Variants in HEXIM2 observed in about 807,000 individuals in gnomAD.
HEXIM2 encodes the protein HEXIM P-TEFb complex subunit 2.
For synonymous variants in HEXIM2, 159 were observed against 162.7 expected, an observed-to-expected ratio of 0.98 and a Z score of 0.17; for missense variants, 413 against 390.8, an observed-to-expected ratio of 1.06 and a Z score of -0.48.
Position 45,169,248 on chromosome 17 carries a change from G to T in HEXIM2, c.300G>T (p.Arg100Ser). Residue 100 changes from arginine (R) to serine (S), a missense_variant, in exon 4 of 4, where the codon AGG becomes AGT. Arg to Ser is a moderately radical substitution (Grantham distance 110). Transcript: ENST00000589230. ...KHRRRPSKRK[R>S]HWRPYLELSW... is the part of the protein sequence containing the mutation. ...GTCGGCGGCCATCGAAGCGCAAAAG[G>T]CACTGGCGACCCTACCTGGAGCTGA... 3 of 1,613,740 alleles carry T rather than the reference G, an allele frequency of 1.9e-6. No homozygotes were observed. The highest frequency in any genetic ancestry group is 2.5e-6 in the Non-Finnish European group (3 of 1,180,030).
upstream of HEXIM2, among the ~76,000 whole-genome samples, chr17:45,160,408 T>G (rs1257013542): frequency 6.6e-6 from 1 of 152,136 alleles, no homozygotes; most frequent in Admixed American, 6.6e-5. Flanking sequence ...TTGTTTAGTC[T>G]GTGGGAAAAG....
upstream of HEXIM2, chr17:45,160,846 A>T: frequency 2.5e-6 from 3 of 1,199,236 alleles, no homozygotes; most frequent in East Asian, 1.1e-4. Context: ...GCCCCTCTCT[A>T]GCTGCTCCCA....
rs1205630475 is a variant in HEXIM2, at chr17:45,169,638, G to A, written c.690G>A (p.Glu230=). 5 of 1,533,958 alleles carry A rather than the reference G, an allele frequency of 3.3e-6. No homozygotes were observed. Among genetic ancestry groups the A allele is most frequent in the Middle Eastern group, 1.7e-4 (1 of 5,878 alleles). ...AGCGGCTGTCGCAGGCGGAGGAGGA[G>A]ACTAGGAGGCTGCAGCAGCTGCAGG... ...LEKRLSQAEE[E]TRRLQQLQAC... The change falls in exon 4 of 4, where the codon GAG becomes GAA. Residue 230 remains glutamate (E), a synonymous_variant. Transcript: ENST00000589230.
At chr17:45,164,227 G>A (rs2042779674) in intron 3 of HEXIM2, among the ~76,000 whole-genome samples, 1 of 151,792 alleles carries the variant, frequency 6.6e-6, no homozygotes, top group African/African-American at 2.4e-5. Context: ...AGGCCGAGGT[G>A]GGCGGATCAC....
In HEXIM2 at chr17:45,169,072, T is replaced by C; in HGVS notation, c.124T>C (p.Ser42Pro). Residue 42 changes from serine (S) to proline (P), a missense_variant, in exon 4 of 4, where the codon TCC becomes CCC. Coordinates refer to ENST00000589230, the MANE Select transcript of HEXIM2 (RefSeq NM_001303441.2). ...TPPERHDSGG[S>P]LPLTPRMESH... Reference sequence around the variant, plus strand: ...CCCTGAGCGTCATGACTCTGGTGGTTCCCTGCCCCTGACACCGCGGATGGA... The same window carrying C: ...CCCTGAGCGTCATGACTCTGGTGGTCCCCTGCCCCTGACACCGCGGATGGA... 6.2e-7 allele frequency: 1 copy of C among 1,613,974 alleles called. No individual in the cohort carries two copies. Among genetic ancestry groups the C allele is most frequent in the Non-Finnish European group, 8.5e-7 (1 of 1,180,000 alleles).
rs1420415293 is a variant in HEXIM2, at chr17:45,169,156, A to G, written c.208A>G (p.Arg70Gly). 6.2e-7 allele frequency: 1 copy of G among 1,613,742 alleles called. No homozygotes were observed. Among genetic ancestry groups the G allele is most frequent in the Non-Finnish European group, 8.5e-7 (1 of 1,180,036 alleles). ...GAVGGLGWNS[R>G]SPRTQSPGGC... ...TGTCGGTGGCCTGGGCTGGAACAGTAGGAGTCCCCGGACCCAGAGCCCAGG... is the reference window on the plus strand; with the variant it reads ...TGTCGGTGGCCTGGGCTGGAACAGTGGGAGTCCCCGGACCCAGAGCCCAGG... The change falls in exon 4 of 4, where the codon AGG (arginine) becomes GGG (glycine). Residue 70 changes from arginine to glycine, a missense_variant. By Grantham distance (125) the Arg-to-Gly change is moderately radical (BLOSUM62 -2). Coordinates refer to ENST00000589230, the MANE Select transcript of HEXIM2 (RefSeq NM_001303441.2).
chr17:45,167,895 CTGTT>C (rs1030428747), intron 3 of HEXIM2, among the ~76,000 whole-genome samples: 8 of 146,938 alleles, frequency 5.4e-5, no homozygotes, highest in African/African-American at 1.8e-4. Flanking sequence ...CTCGCCCGGC[CTGTT>C]TGTTTGTTTT....
intron 3 of HEXIM2, among the ~76,000 whole-genome samples, chr17:45,166,418 C>T (rs1489139514): frequency 6.6e-6 from 1 of 152,226 alleles, no homozygotes; most frequent in Admixed American, 6.5e-5. Context: ...TGAGCCACTA[C>T]ACCCGGCCGT....
Position 45,169,322 on chromosome 17 carries a change from C to G in HEXIM2, c.374C>G (p.Ser125Cys). Residue 125 changes from serine (S) to cysteine (C), a missense_variant, in exon 4 of 4, where the codon TCC becomes TGC. Physicochemically the swap from Ser to Cys is moderately radical, Grantham distance 112 (BLOSUM62 -1). Transcript: ENST00000589230. ...QRDERQSQRASRVREEMFAKG... is the reference protein window; with the variant it reads ...QRDERQSQRACRVREEMFAKG... ...GATGAGAGGCAGAGCCAGAGGGCCT[C>G]CCGGGTCCGCGAAGAGATGTTCGCC... 1.9e-6 allele frequency: 3 copies of G among 1,613,846 alleles called. No individual in the cohort carries two copies. The highest frequency in any genetic ancestry group is 4.5e-5 in the East Asian group (2 of 44,872).
rs768342399 is a variant in HEXIM2, at chr17:45,162,807, C to T, written c.14C>T (p.Pro5Leu). The T allele has an allele frequency of 8.1e-6, 13 of 1,613,732 alleles. No homozygotes were observed. Among genetic ancestry groups the T allele is most frequent in the South Asian group, 2.2e-5 (2 of 91,076 alleles). MMAT[P>L]NQTACNAESP... The stretch of plus-strand genomic sequence containing the variant: ...TTGGAACAGAAGATGATGGCCACTC[C>T]GAACCAGACCGCCTGTAATGCAGAG... The change falls in exon 3 of 4, where the codon CCG becomes CTG. Residue 5 changes from proline (P) to leucine (L), a missense_variant. Coordinates refer to ENST00000589230, the MANE Select transcript of HEXIM2 (RefSeq NM_001303441.2).
intron 1 of HEXIM2, 37 bp downstream of exon 1, chr17:45,162,068 G>A (rs2144041021): frequency 1.1e-6 from 1 of 939,518 alleles, no homozygotes; most frequent in Non-Finnish European, 1.3e-6. Context: ...TTCCATGACT[G>A]TCTCCCTTCT....
chr17:45,161,997 A>T lies in HEXIM2; in HGVS notation c.-227A>T, dbSNP rs2042710303. The stretch of plus-strand genomic sequence containing the variant: ...GGCAGTCGCACAGAAAGGCACACAG[A>T]TGTAGTGGTGTGCATAGCCCTTGAC... On this transcript the variant is annotated 5_prime_UTR_variant, in exon 1 of 4. An upstream start codon of the reference 5' UTR is lost. Coordinates refer to ENST00000589230, the MANE Select transcript of HEXIM2 (RefSeq NM_001303441.2). 1.0e-6 allele frequency: 1 copy of T among 985,438 alleles called. No homozygotes were observed. Among genetic ancestry groups the T allele is most frequent in the Admixed American group, 6.2e-5 (1 of 16,260 alleles). The allele number at this position is 985,438 out of a possible 1,614,324, so 61.0% of individuals were successfully genotyped here. A position where few individuals can be genotyped will look rare whatever the true frequency, so the allele number is the denominator to read the frequency against.
chr17:45,161,066 C>T, upstream of HEXIM2: 1 of 713,320 alleles, frequency 1.4e-6, no homozygotes, highest in Non-Finnish European at 2.2e-6. Flanking sequence ...CTGGCGTCGC[C>T]CCCACCTCTC....
Position 45,169,926 on chromosome 17 carries a change from C to T in HEXIM2, c.*117C>T. 3.7e-6 allele frequency: 3 copies of T among 815,240 alleles called. No individual in the cohort carries two copies. The East Asian group carries it at 8.6e-5, about 23-fold the overall frequency. The allele number at this position is 815,240 out of a possible 1,614,324, so 50.5% of individuals were successfully genotyped here. ...AAACCACCGTCAACACCCTGTGCGC[C>T]CTGAGAACAGCTAAATCGGTTCAGA... On this transcript the variant is annotated 3_prime_UTR_variant, in exon 4 of 4. Transcript: ENST00000589230.
At chr17:45,163,402 T>C (rs2042757493) in intron 3 of HEXIM2, among the ~76,000 whole-genome samples, 1 of 151,494 alleles carries the variant, frequency 6.6e-6, no homozygotes, top group African/African-American at 2.4e-5. Context: ...AAGCTAAGGT[T>C]CTGAGACCTG....
At chr17:45,166,165 C>G (rs2042838506) in intron 3 of HEXIM2, among the ~76,000 whole-genome samples, 2 of 152,032 alleles carry the variant, frequency 1.3e-5, no homozygotes, top group Non-Finnish European at 2.9e-5. Flanking sequence ...AGCTCTGTCA[C>G]TCAGGCTGGA....
upstream of HEXIM2, chr17:45,161,695 C>A: frequency 3.0e-6 from 1 of 332,850 alleles, no homozygotes; most frequent in Non-Finnish European, 4.3e-6. Flanking sequence ...GCCAAAAAAG[C>A]GAGAATATTG....
At chr17:45,165,782 AATT>A (rs2042827425) in intron 3 of HEXIM2, among the ~76,000 whole-genome samples, 1 of 151,602 alleles carries the variant, frequency 6.6e-6, no homozygotes, top group African/African-American at 2.4e-5. Context: ...AATTTAATTT[AATT>A]TAATTTAATT....
upstream of HEXIM2, chr17:45,160,888 G>A (rs2042664469): frequency 7.8e-7 from 1 of 1,289,472 alleles, no homozygotes; most frequent in African/African-American, 1.5e-5. Flanking sequence ...AGTAGTTTAA[G>A]AGGGTCGTGG....
Sources: allele counts gnomAD v4.1 joint callset (sites outside exome capture counted in the v4.1 genomes callset), GRCh38; gene constraint gnomAD v4.1.1; transcripts MANE v1.5; gene names NCBI Gene and HGNC (gene_info 2026-07-23, HGNC 2026-07-21).